XPR1: variants seen among roughly 807,000 people sequenced by gnomAD.
The protein encoded by XPR1 is solute carrier family 53 member 1.
A neutral mutation model predicts 87.5 loss-of-function variants in XPR1; 28 were observed. That is an observed-to-expected ratio of 0.32 (90% CI 0.24 to 0.44). The LOEUF (loss-of-function observed/expected upper bound fraction) is 0.44, where lower values mean the gene tolerates loss of function less well. Ranked by LOEUF, XPR1 falls within the 20% of genes least tolerant of loss-of-function variation. The pLI is 1.00. For missense variants in XPR1, 559 were observed against 862.3 expected, an observed-to-expected ratio of 0.65 and a Z score of 4.41; for synonymous variants, 300 against 306.1, an observed-to-expected ratio of 0.98 and a Z score of 0.21.
At chr1:180,779,343 C>T (rs1443546851) in intron 2 of XPR1, among the ~76,000 whole-genome samples, 3 of 152,286 alleles carry the variant, frequency 2.0e-5, no homozygotes, top group Non-Finnish European at 1.5e-5. Context: ...ACATTTATCT[C>T]ATTCATCATA....
chr1:180,817,778 TTGGGGAA>T (rs1650464650), intron 7 of XPR1, among the ~76,000 whole-genome samples: 3 of 152,204 alleles, frequency 2.0e-5, no homozygotes, highest in Admixed American at 2.0e-4. Context: ...GAGTTTACCC[TTGGGGAA>T]TGGATAGCAA....
intron 7 of XPR1, among the ~76,000 whole-genome samples, chr1:180,819,262 A>G (rs762820587): frequency 9.9e-5 from 15 of 152,142 alleles, no homozygotes; most frequent in Non-Finnish European, 2.9e-5. Flanking sequence ...TGTTTTTTGA[A>G]CCATTTTGAA....
chr1:180,694,771 GTGCACA>G (rs1476531902), intron 2 of XPR1, among the ~76,000 whole-genome samples: 1 of 93,754 alleles, frequency 1.1e-5, no homozygotes, highest in Non-Finnish European at 2.1e-5. Context: ...TGATTGTTGT[GTGCACA>G]CACACACACA....
chr1:180,743,037 A>G (rs550984056), intron 2 of XPR1, among the ~76,000 whole-genome samples: 1 of 152,178 alleles, frequency 6.6e-6, no homozygotes, highest in South Asian at 2.1e-4. Flanking sequence ...AGTTTCTTGC[A>G]GGCAACATAT....
chr1:180,737,788 C>G (rs12401315), intron 2 of XPR1, among the ~76,000 whole-genome samples: 1 of 152,024 alleles, frequency 6.6e-6, no homozygotes, highest in African/African-American at 2.4e-5. Context: ...GTCAATAATT[C>G]ATTCCTTTTT....
chr1:180,767,492 C>A lies in XPR1; in HGVS notation c.122-20261C>A, dbSNP rs968188916. Among the ~76,000 whole-genome samples, 3 of 151,964 alleles carry A rather than the reference C, an allele frequency of 2.0e-5. No homozygotes were observed. In the South Asian group the frequency reaches 6.2e-4, roughly 31 times the overall value. Reference sequence around the variant, plus strand: ...ATCCTTAGTGCATTCTCTTTTCTTGCAGGATTCCTATAGCATGGGTAAAAT... The same window carrying A: ...ATCCTTAGTGCATTCTCTTTTCTTGAAGGATTCCTATAGCATGGGTAAAAT... On this transcript the variant is annotated intron_variant, in intron 2 of 14. Transcript: ENST00000367590.
At chr1:180,760,046 T>A (rs530051788) in intron 2 of XPR1, among the ~76,000 whole-genome samples, 4 of 152,260 alleles carry the variant, frequency 2.6e-5, no homozygotes, top group Admixed American at 6.5e-5. Context: ...AGAAAAGGCC[T>A]TTGACAAAAT....
intron 2 of XPR1, among the ~76,000 whole-genome samples, chr1:180,724,890 G>T (rs1221118650): frequency 6.6e-6 from 1 of 152,126 alleles, no homozygotes; most frequent in African/African-American, 2.4e-5. Flanking sequence ...TTAAAATGTG[G>T]TGGTATGGAG....
intron 3 of XPR1, among the ~76,000 whole-genome samples, chr1:180,802,558 T>G (rs145763659): frequency 5.3e-5 from 8 of 152,346 alleles, no homozygotes; most frequent in African/African-American, 1.7e-4. Context: ...AAAATTTGCC[T>G]TCTTAAGGTT....
chr1:180,843,772 T>C lies in XPR1; in HGVS notation c.1501+7056T>C, dbSNP rs1457217064. 2.0e-5 allele frequency among the ~76,000 whole-genome samples: 3 copies of C among 152,146 alleles called. No homozygotes were observed. In the East Asian group the frequency reaches 5.8e-4, roughly 29 times the overall value. ...GTCTTATCTCTAGTCACCTTTGTTT[T>C]CTTAATTGCTCTTAAAACTGATAGA... On this transcript the variant is annotated intron_variant, in intron 11 of 14. Coordinates refer to ENST00000367590, the MANE Select transcript of XPR1 (RefSeq NM_004736.4).
At chr1:180,645,924 T>A (rs1404432452) in intron 1 of XPR1, among the ~76,000 whole-genome samples, 1 of 152,224 alleles carries the variant, frequency 6.6e-6, no homozygotes, top group Non-Finnish European at 1.5e-5. Context: ...AAATGACCAA[T>A]TCAGTTTTCC....
Position 180,863,841 on chromosome 1 carries a change from T to G in XPR1, c.1635T>G (p.Thr545=). The G allele has an allele frequency of 6.2e-7, 1 of 1,605,244 alleles. No homozygotes were observed. The highest frequency in any genetic ancestry group is 8.5e-7 in the Non-Finnish European group (1 of 1,177,460). Residue 545 remains threonine (T), a synonymous_variant, in exon 12 of 15, where the codon ACT becomes ACG. Transcript: ENST00000367590. ...TCGATAAGAATGCTGGAGAGAACACTTTCCTCCGGGAAGAGATTGTATACC... is the reference window on the plus strand; with the variant it reads ...TCGATAAGAATGCTGGAGAGAACACGTTCCTCCGGGAAGAGATTGTATACC... ...GLFDKNAGEN[T]FLREEIVYPQ...
At chr1:180,878,478 A>G (rs750390623) in intron 13 of XPR1, among the ~76,000 whole-genome samples, 1 of 152,204 alleles carries the variant, frequency 6.6e-6, no homozygotes, top group Admixed American at 6.5e-5. Context: ...TATAATAATA[A>G]TATTGTAGTG....
intron 2 of XPR1, among the ~76,000 whole-genome samples, chr1:180,690,423 C>A (rs747047096): frequency 6.6e-6 from 1 of 152,044 alleles, no homozygotes; most frequent in Admixed American, 6.6e-5. Context: ...AAGAACATGA[C>A]GGTGAGTTTT....
intron 3 of XPR1, among the ~76,000 whole-genome samples, chr1:180,797,913 A>G (rs1042664342): frequency 6.6e-6 from 1 of 152,224 alleles, no homozygotes; most frequent in Non-Finnish European, 1.5e-5. Context: ...GAACCAAGAA[A>G]GAACCAAGAA....
intron 14 of XPR1, among the ~76,000 whole-genome samples, chr1:180,881,288 C>T (rs989838027): frequency 3.3e-5 from 5 of 152,034 alleles, no homozygotes; most frequent in Admixed American, 6.5e-5. Flanking sequence ...CTCAGCCTCC[C>T]GAGTAGCTGG....
chr1:180,697,923 C>T (rs1441019068), intron 2 of XPR1, among the ~76,000 whole-genome samples: 1 of 152,022 alleles, frequency 6.6e-6, no homozygotes, highest in Admixed American at 6.6e-5. Flanking sequence ...TTATTCTGCA[C>T]CTGTTGGGTG....
At chr1:180,661,718 T>G (rs1373025054) in intron 1 of XPR1, among the ~76,000 whole-genome samples, 1 of 151,898 alleles carries the variant, frequency 6.6e-6, no homozygotes, top group African/African-American at 2.4e-5. Context: ...AAAAAAAATA[T>G]GCAAAAATTA....
chr1:180,765,455 T>C (rs1372433587), intron 2 of XPR1, among the ~76,000 whole-genome samples: 1 of 152,214 alleles, frequency 6.6e-6, no homozygotes, highest in Non-Finnish European at 1.5e-5. Context: ...AGATCTTTCT[T>C]AGCCTCCGAA....
Sources: allele counts gnomAD v4.1 joint callset (sites outside exome capture counted in the v4.1 genomes callset), GRCh38; gene constraint gnomAD v4.1.1; transcripts MANE v1.5; gene names NCBI Gene and HGNC (gene_info 2026-07-23, HGNC 2026-07-21).